PIEZO1: variants seen among roughly 807,000 people sequenced by gnomAD.
PIEZO1 encodes the protein piezo type mechanosensitive ion channel component 1 (Er blood group), also known as piezo-type mechanosensitive ion channel component 1.
A neutral mutation model predicts 297.2 loss-of-function variants in PIEZO1; 296 were observed. The observed-to-expected ratio is 1.00, with a 90% CI of 0.91 to 1.10. The LOEUF is 1.10. PIEZO1 is among the 50% of genes least tolerant of loss of function. The pLI, the probability that PIEZO1 is intolerant of heterozygous loss-of-function variation, is 0.00. For missense variants in PIEZO1, 5,018 were observed against 3,455.5 expected, an observed-to-expected ratio of 1.45 and a Z score of -11.34; for synonymous variants, 2,427 against 1,507.5, an observed-to-expected ratio of 1.61 and a Z score of -14.13.
chr16:88,717,527 C>G (rs1478461044), intron 44 of PIEZO1: 1 of 529,662 alleles, frequency 1.9e-6, no homozygotes, highest in Non-Finnish European at 3.6e-6. Flanking sequence ...TACCATGTGC[C>G]AAAATTTACC....
At chr16:88,758,972 G>A (rs1906800230) in intron 1 of PIEZO1, among the ~76,000 whole-genome samples, 1 of 152,096 alleles carries the variant, frequency 6.6e-6, no homozygotes, top group Non-Finnish European at 1.5e-5. Flanking sequence ...AAAAGGCTGA[G>A]GAAGATCCAC....
intron 2 of PIEZO1, chr16:88,743,769 C>A: frequency 2.5e-6 from 1 of 404,864 alleles, no homozygotes; most frequent in Non-Finnish European, 5.0e-6. Context: ...CACCAGGCAG[C>A]CGAGGCAGGT....
chr16:88,775,624 G>T (rs1907620539), intron 1 of PIEZO1, among the ~76,000 whole-genome samples: 1 of 151,502 alleles, frequency 6.6e-6, no homozygotes, highest in South Asian at 2.1e-4. Context: ...AGCTACTTGG[G>T]AGGCTAAGGC....
At position 88,737,664 on chromosome 16, in the gene PIEZO1, T is replaced by C. The variant is rs574363070; in HGVS notation, c.1108-18A>G. The C allele has an allele frequency of 6.5e-7, 1 of 1,533,526 alleles. No individual in the cohort carries two copies. Among genetic ancestry groups the C allele is most frequent in the African/African-American group, 1.4e-5 (1 of 73,108 alleles). The allele number at this position is 1,533,526 out of a possible 1,614,324, so 95.0% of individuals were successfully genotyped here. On this transcript the variant is annotated intron_variant, in intron 9 of 50. Transcript: ENST00000301015. ...ACCACGTGCTGTGGGCAAGCAGCGC[T>C]GAGCCATGCACGGGCTGGCCGGGCG...
chr16:88,721,817 G>C lies in PIEZO1; in HGVS notation c.5205C>G (p.Val1735=), dbSNP rs1567661762. ...CGCGGCCTCGGCCCACCTCGGTGAA[G>C]ACGATGGCCGTCATCCAGAAGCGCT... The part of the protein sequence containing the change: ...PSKRFWMTAI[V]FTEIAVVVKY... Residue 1735 remains valine (V), a synonymous_variant, in exon 37 of 51, where the codon GTC becomes GTG. Transcript: ENST00000301015. 1.3e-6 allele frequency: 2 copies of C among 1,546,044 alleles called. No individual in the cohort carries two copies. Among genetic ancestry groups the C allele is most frequent in the Non-Finnish European group, 1.7e-6 (2 of 1,145,900 alleles).
chr16:88,743,754 C>G (rs75125384), intron 2 of PIEZO1: 1 of 418,676 alleles, frequency 2.4e-6, no homozygotes, highest in East Asian at 7.2e-5. Flanking sequence ...ACTCCCTGTC[C>G]GCACCACCAG....
rs1196156923 is a variant in PIEZO1 at position 88,722,984 on chromosome 16, C to T, written c.4521G>A (p.Val1507=). Residue 1507 remains valine (V), a synonymous_variant, in exon 34 of 51, where the codon GTG becomes GTA. Coordinates refer to ENST00000301015, the MANE Select transcript of PIEZO1 (RefSeq NM_001142864.4). ...AAGRSHVVQR[V]LSTAQFLWML... ...TCCACAGGAACTGCGCCGTGCTCAG[C>T]ACCCTCTGCACCACATGGCTCCGGC... 4.5e-6 allele frequency: 7 copies of T among 1,548,004 alleles called. No homozygotes were observed. The highest frequency in any genetic ancestry group is 1.4e-5 in the African/African-American group (1 of 73,146).
At chr16:88,718,597 G>T (rs1385543211) in intron 44 of PIEZO1, 2 of 152,296 alleles carry the variant, frequency 1.3e-5, no homozygotes, top group African/African-American at 4.8e-5. Flanking sequence ...GTCTGAGCCT[G>T]TTTTCATGAA....
At chr16:88,745,871 C>A (rs11646394) in intron 2 of PIEZO1, 11,131 of 152,246 alleles carry the variant, frequency 0.073, 570 homozygotes, top group Non-Finnish European at 0.12. Context: ...AGAGCATGGA[C>A]CTCCCCCAGA....
chr16:88,747,290 C>A (rs1450395853), intron 2 of PIEZO1, among the ~76,000 whole-genome samples: 1 of 150,786 alleles, frequency 6.6e-6, no homozygotes, highest in Non-Finnish European at 1.5e-5. Context: ...CCGAGGTGGG[C>A]AGATCACCTG....
chr16:88,733,687 C>G lies in PIEZO1; in HGVS notation c.2388G>C (p.Ser796=), dbSNP rs748012422. Residue 796 remains serine, a synonymous_variant, in exon 18 of 51, where the codon TCG becomes TCC. Coordinates refer to ENST00000301015, the MANE Select transcript of PIEZO1 (RefSeq NM_001142864.4). ...ACACCTGCACGCGTGAGAGGACGTC[C>G]GAGAAGCCGGCTGCCAGCTCCAGCA... is the stretch of plus-strand genomic sequence containing the variant. The part of the protein sequence containing the change: ...ERLLELAAGF[S]DVLSRVQVFL... 2.6e-6 allele frequency: 4 copies of G among 1,549,338 alleles called. No homozygotes were observed. The highest frequency in any genetic ancestry group is 2.6e-6 in the Non-Finnish European group (3 of 1,146,444).
At chr16:88,738,826 G>A (rs1349582793) in intron 5 of PIEZO1, 90 bp from the exon 6 acceptor site, 2 of 1,216,892 alleles carry the variant, frequency 1.6e-6, no homozygotes, top group Middle Eastern at 1.9e-4. Flanking sequence ...AGCGTGGGAG[G>A]CGGCCACATC....
intron 23 of PIEZO1, among the ~76,000 whole-genome samples, 178 bp downstream of exon 23, chr16:88,727,379 G>GCCGTGCACACAGGCTGAGGT: frequency 6.6e-6 from 1 of 152,300 alleles, no homozygotes; most frequent in Non-Finnish European, 1.5e-5. Flanking sequence ...CACAAGGGCT[G>GCCGTGCACACAGGCTGAGGT]CCGTGCACAC....
chr16:88,733,467 G>A lies in PIEZO1; in HGVS notation c.2488-13C>T. 1.9e-6 allele frequency: 3 copies of A among 1,543,274 alleles called. No homozygotes were observed. Among genetic ancestry groups the A allele is most frequent in the South Asian group, 1.2e-5 (1 of 83,866 alleles). On this transcript the variant is annotated splice_polypyrimidine_tract_variant and intron_variant, in intron 18 of 50. Coordinates refer to ENST00000301015, the MANE Select transcript of PIEZO1 (RefSeq NM_001142864.4). ...TCATCACCGACACCTGAGGGCAGTG[G>A]GCACGTGGGGCTGGGCTTGGGGAGG...
In PIEZO1 at chr16:88,736,876, A is replaced by AGGGCTCCGGCAATTGGGC. The variant is rs536223249; in HGVS notation, c.1196-155_1196-138dup. On this transcript the variant is annotated intron_variant, in intron 10 of 50. Coordinates refer to ENST00000301015, the MANE Select transcript of PIEZO1 (RefSeq NM_001142864.4). ...CCCGGTGGGCTATGGGCAGAACACG[A>AGGGCTCCGGCAATTGGGC]GGGCTCCGGCAATTGGGCTGACACC... 1,898 of 550,006 alleles carry AGGGCTCCGGCAATTGGGC rather than the reference A, an allele frequency of 3.5e-3. 26 individuals carry two copies. Among genetic ancestry groups the AGGGCTCCGGCAATTGGGC allele is most frequent in the African/African-American group, 0.032 (1,609 of 50,292 alleles). 34.1% of individuals were successfully genotyped at this position (550,006 alleles called of 1,614,324 possible).
chr16:88,775,820 G>A (rs1443043461), intron 1 of PIEZO1, among the ~76,000 whole-genome samples: 2 of 152,104 alleles, frequency 1.3e-5, no homozygotes, highest in African/African-American at 2.4e-5. Context: ...CAGGAGGCTG[G>A]CTGATGGCAC....
intron 1 of PIEZO1, among the ~76,000 whole-genome samples, chr16:88,780,361 G>A (rs1170448357): frequency 1.3e-5 from 2 of 151,864 alleles, no homozygotes; most frequent in South Asian, 2.1e-4. Context: ...GAGCAGGACA[G>A]AAGGCAGATA....
Position 88,726,812 on chromosome 16 carries a change from G to A in PIEZO1, c.3602C>T (p.Thr1201Met), listed in dbSNP as rs372935580. ...CCGTGTGTCCCTCTGCAGCAGGGCC[G>A]TGCCGAAGAGCAGCAGGTAGAAGCA... ...LACFYLLLFGTALLQRDTRAR... is the reference protein window; with the variant it reads ...LACFYLLLFGMALLQRDTRAR... Residue 1201 changes from threonine to methionine, a missense_variant, in exon 25 of 51, where the codon ACG (threonine) becomes ATG (methionine). Coordinates refer to ENST00000301015, the MANE Select transcript of PIEZO1 (RefSeq NM_001142864.4). 1.1e-3 allele frequency: 1,729 copies of A among 1,550,336 alleles called. No homozygotes were observed. Among genetic ancestry groups the A allele is most frequent in the Non-Finnish European group, 1.2e-3 (1,409 of 1,146,932 alleles).
chr16:88,753,671 G>A (rs767503055), intron 1 of PIEZO1, among the ~76,000 whole-genome samples: 2 of 152,212 alleles, frequency 1.3e-5, no homozygotes, highest in African/African-American at 2.4e-5. Context: ...GCAGGGCCAC[G>A]GCTTTTCGAA....
Sources: allele counts gnomAD v4.1 joint callset (sites outside exome capture counted in the v4.1 genomes callset), GRCh38; gene constraint gnomAD v4.1.1; transcripts MANE v1.5; gene names NCBI Gene and HGNC (gene_info 2026-07-23, HGNC 2026-07-21).